The following COL4A4 variants were observed in gnomAD, a reference collection of about 807,000 sequenced individuals.
COL4A4 encodes the protein collagen alpha-4(IV) chain.
COL4A4 carries 105 observed loss-of-function variants against 192.9 expected under a neutral mutation model. The ratio of observed to expected loss-of-function variants is 0.54; its 90% CI spans 0.46 to 0.64. The LOEUF is 0.64. Ranked by LOEUF, COL4A4 falls within the 30% of genes least tolerant of loss-of-function variation. The pLI is 0.00. For missense variants in COL4A4, 1,967 were observed against 2,169.3 expected, an observed-to-expected ratio of 0.91 and a Z score of 1.85; for synonymous variants, 762 against 769.9, an observed-to-expected ratio of 0.99 and a Z score of 0.17.
At chr2:227,019,558 T>C (rs1261676746) in intron 44 of COL4A4, among the ~76,000 whole-genome samples, 1 of 152,232 alleles carries the variant, frequency 6.6e-6, no homozygotes, top group African/African-American at 2.4e-5. Context: ...GTTAAGGCTC[T>C]AGTCAAATAC....
chr2:227,109,905 C>G (rs577686850), intron 9 of COL4A4, among the ~76,000 whole-genome samples: 1 of 152,118 alleles, frequency 6.6e-6, no homozygotes, highest in Non-Finnish European at 1.5e-5. Context: ...GCATTACTAC[C>G]TACTCCTAAA....
intron 2 of COL4A4, among the ~76,000 whole-genome samples, chr2:227,146,461 A>T (rs2063554494): frequency 6.6e-6 from 1 of 151,858 alleles, no homozygotes. Flanking sequence ...ACTGTTTAAC[A>T]TTTCCCTGTG....
intron 1 of COL4A4, among the ~76,000 whole-genome samples, chr2:227,160,675 G>C (rs1210746866): frequency 6.6e-6 from 1 of 152,184 alleles, no homozygotes; most frequent in Non-Finnish European, 1.5e-5. Context: ...ACCTGTCCTT[G>C]CTAGCATAAT....
chr2:227,140,559 G>T (rs2063135899), intron 3 of COL4A4, among the ~76,000 whole-genome samples: 2 of 152,090 alleles, frequency 1.3e-5, no homozygotes, highest in Admixed American at 1.3e-4. Context: ...GTCTTAGAGT[G>T]TAAACTATGT....
chr2:227,094,343 T>G, intron 19 of COL4A4, 54 bp from the exon 20 acceptor site: 1 of 1,566,188 alleles, frequency 6.4e-7, no homozygotes. Flanking sequence ...TAAACGTCTC[T>G]GTAGAAGAAA....
chr2:227,018,175 C>A (rs1965299267), intron 44 of COL4A4, among the ~76,000 whole-genome samples: 1 of 152,162 alleles, frequency 6.6e-6, no homozygotes, highest in South Asian at 2.1e-4. Flanking sequence ...AGCTGTCCTG[C>A]AGTTCTCCAC....
Position 227,050,984 on chromosome 2 carries a change from C to T in COL4A4, c.3143G>A (p.Gly1048Asp), listed in dbSNP as rs1973978065. 6.2e-7 allele frequency: 1 copy of T among 1,614,100 alleles called. No homozygotes were observed. Among genetic ancestry groups the T allele is most frequent in the Admixed American group, 1.7e-5 (1 of 60,006 alleles). The change falls in exon 33 of 48, where the codon GGT becomes GAT. Residue 1048 changes from glycine to aspartate, a missense_variant. Transcript: ENST00000396625. The stretch of plus-strand genomic sequence containing the variant: ...AAAGCAGTAGCCCCTTACCTGGTCA[C>T]CTGGAAGTCCTGGAAAACCAATGAA... ...RGFIGFPGLP[G>D]DQGEPGSPGP...
At chr2:227,095,636 C>T (rs924987642) in intron 19 of COL4A4, among the ~76,000 whole-genome samples, 5 of 152,254 alleles carry the variant, frequency 3.3e-5, no homozygotes, top group East Asian at 1.9e-4. Context: ...GGCTCACACC[C>T]GTAATCCCAA....
At chr2:226,977,558 T>C in the COL4A4 span, among the ~76,000 whole-genome samples, 1 of 152,176 alleles carries the variant, frequency 6.6e-6, no homozygotes, top group African/African-American at 2.4e-5. Context: ...CCAGGAGCAA[T>C]GGTGAACCGT....
chr2:227,024,546 A>G (rs779724481), intron 43 of COL4A4, among the ~76,000 whole-genome samples: 1 of 152,268 alleles, frequency 6.6e-6, no homozygotes, highest in Non-Finnish European at 1.5e-5. Context: ...TGTTCTTCAA[A>G]TGTATGCAAA....
the COL4A4 span, among the ~76,000 whole-genome samples, chr2:226,981,690 G>T: frequency 6.6e-6 from 1 of 152,266 alleles, no homozygotes; most frequent in East Asian, 1.9e-4. Flanking sequence ...AGGGTTAAAT[G>T]CCATCAAATA....
chr2:226,991,595 C>T, the COL4A4 span, among the ~76,000 whole-genome samples: 1 of 152,198 alleles, frequency 6.6e-6, no homozygotes, highest in Non-Finnish European at 1.5e-5. Flanking sequence ...GTTCAGCAGG[C>T]ATTTACTGTC....
intron 9 of COL4A4, chr2:227,109,575 C>G: frequency 1.9e-6 from 1 of 514,122 alleles, no homozygotes. Flanking sequence ...GGTGAAACCC[C>G]GTCTCTACTA....
rs1974902773 is a variant in COL4A4, at chr2:227,054,677, T to C, written c.2777A>G (p.Glu926Gly). The change falls in exon 31 of 48, where the codon GAG becomes GGG. Residue 926 changes from glutamate (E) to glycine (G), a missense_variant. Coordinates refer to ENST00000396625, the MANE Select transcript of COL4A4 (RefSeq NM_000092.5). ...FPGERGKPGAEGCPGAKGEPG... is the reference protein window; with the variant it reads ...FPGERGKPGAGGCPGAKGEPG... ...TTCTCCCTTTGCGCCAGGACATCCC[T>C]CTGCACCAGGCTTTCCTCTTTCTCC... 1 of 1,614,230 alleles carries C rather than the reference T, an allele frequency of 6.2e-7. No homozygotes were observed. The highest frequency in any genetic ancestry group is 8.5e-7 in the Non-Finnish European group (1 of 1,180,038).
At chr2:226,989,034 A>G in the COL4A4 span, among the ~76,000 whole-genome samples, 14 of 152,380 alleles carry the variant, frequency 9.2e-5, no homozygotes, top group Non-Finnish European at 1.9e-4. Flanking sequence ...AGGTTTACAC[A>G]TGCTGATGTA....
At chr2:227,110,510 G>T (rs768846173) in intron 9 of COL4A4, among the ~76,000 whole-genome samples, 8 of 151,826 alleles carry the variant, frequency 5.3e-5, no homozygotes, top group Non-Finnish European at 1.0e-4. Flanking sequence ...AGCCTCCCAA[G>T]TAGCTGGGAT....
intron 12 of COL4A4, among the ~76,000 whole-genome samples, chr2:227,105,012 G>A (rs1243720658): frequency 1.3e-5 from 2 of 151,600 alleles, no homozygotes; most frequent in Admixed American, 1.3e-4. Flanking sequence ...TGTGTATATA[G>A]GTGAATAAAC....
At chr2:227,095,925 T>G (rs1006669123) in intron 19 of COL4A4, among the ~76,000 whole-genome samples, 1 of 151,964 alleles carries the variant, frequency 6.6e-6, no homozygotes, top group East Asian at 1.9e-4. Flanking sequence ...AAAAAAAAGA[T>G]AGCCGGAAGC....
At chr2:227,014,854 G>A (rs1382255180) in intron 44 of COL4A4, among the ~76,000 whole-genome samples, 8 of 150,456 alleles carry the variant, frequency 5.3e-5, no homozygotes, top group African/African-American at 2.0e-4. Context: ...ACTGCCTCCC[G>A]AGTAGCTGGG....
Sources: gnomAD v4.1 joint callset for allele counts (sites outside exome capture counted in the v4.1 genomes callset) on GRCh38, gnomAD v4.1.1 for gene constraint, MANE v1.5 for transcripts, NCBI Gene and HGNC (gene_info 2026-07-23, HGNC 2026-07-21) for gene names.